BMP2K: variants seen among roughly 807,000 people sequenced by gnomAD.
The protein encoded by BMP2K is BMP-2-inducible protein kinase.
A neutral mutation model predicts 116.0 loss-of-function variants in BMP2K; 74 were observed. That is an observed-to-expected ratio of 0.64 (90% confidence interval 0.53 to 0.77). BMP2K has a LOEUF of 0.77. Ranked by LOEUF, BMP2K falls within the 30% of genes least tolerant of loss-of-function variation. The probability of loss-of-function intolerance (pLI) is 0.00; values close to 1 mark genes in which losing one functional copy is unlikely to be tolerated. For missense variants in BMP2K, 1,365 were observed against 1,403.6 expected (o/e 0.97, Z 0.44); for synonymous variants, 486 against 502.5 (o/e 0.97, Z 0.44).
chr4:78,865,028 A>G (rs1446289060), intron 9 of BMP2K, among the ~76,000 whole-genome samples: 1 of 152,200 alleles, frequency 6.6e-6, no homozygotes, highest in Non-Finnish European at 1.5e-5. Flanking sequence ...GTTCTAAGTA[A>G]AGCAAAGTTA....
chr4:78,827,444 T>G (rs1211156615), intron 2 of BMP2K, among the ~76,000 whole-genome samples: 8 of 152,176 alleles, frequency 5.3e-5, no homozygotes, highest in Admixed American at 5.2e-4. Context: ...TCTGTCTTGC[T>G]GACACTTAGA....
At chr4:78,909,283 G>A (rs781143441) in intron 15 of BMP2K, among the ~76,000 whole-genome samples, 3 of 151,676 alleles carry the variant, frequency 2.0e-5, no homozygotes, top group Admixed American at 6.6e-5. Flanking sequence ...TGATCCACCC[G>A]CCTTGGCCTC....
chr4:78,843,322 T>C (rs1730848625), intron 4 of BMP2K, among the ~76,000 whole-genome samples: 1 of 151,900 alleles, frequency 6.6e-6, no homozygotes, highest in Admixed American at 6.6e-5. Context: ...TATTAGTCCA[T>C]ATTACTTCCT....
chr4:78,855,280 A>G (rs1731450921), intron 7 of BMP2K, among the ~76,000 whole-genome samples: 2 of 152,136 alleles, frequency 1.3e-5, no homozygotes, highest in South Asian at 2.1e-4. Context: ...ATGGTTGGAA[A>G]ATTGGAGTGG....
intron 1 of BMP2K, among the ~76,000 whole-genome samples, chr4:78,790,570 G>A (rs1727949080): frequency 6.6e-6 from 1 of 152,138 alleles, no homozygotes; most frequent in Admixed American, 6.5e-5. Flanking sequence ...CAGCTAAGAA[G>A]ACTCAATATT....
intron 1 of BMP2K, among the ~76,000 whole-genome samples, chr4:78,787,850 T>C (rs2109927314): frequency 6.6e-6 from 1 of 152,302 alleles, no homozygotes; most frequent in East Asian, 1.9e-4. Context: ...TCTTTCAATT[T>C]CTGGAAGAGA....
At chr4:78,889,900 T>C (rs1263231043) in intron 15 of BMP2K, among the ~76,000 whole-genome samples, 1 of 152,222 alleles carries the variant, frequency 6.6e-6, no homozygotes, top group Non-Finnish European at 1.5e-5. Context: ...TTGTAAGAAC[T>C]TAGTTAAGTT....
intron 1 of BMP2K, among the ~76,000 whole-genome samples, chr4:78,788,910 T>C (rs1244927119): frequency 6.6e-6 from 1 of 151,418 alleles, no homozygotes; most frequent in Admixed American, 6.6e-5. Flanking sequence ...TTTTTTTTTT[T>C]TTTTTAAATA....
chr4:78,868,076 T>G (rs929116570), intron 10 of BMP2K, among the ~76,000 whole-genome samples: 2 of 151,962 alleles, frequency 1.3e-5, no homozygotes, highest in African/African-American at 2.4e-5. Flanking sequence ...AGTAAGTAAA[T>G]AAAATAAAAT....
chr4:78,788,895 G>GT (rs369759418), intron 1 of BMP2K, among the ~76,000 whole-genome samples: 6,880 of 107,286 alleles, frequency 0.064, 467 homozygotes, highest in African/African-American at 0.18. Context: ...AATAGTGGCT[G>GT]TTTTTTTTTT....
chr4:78,826,201 T>A, intron 2 of BMP2K, 46 bp downstream of exon 2: 1 of 1,487,520 alleles, frequency 6.7e-7, no homozygotes, highest in South Asian at 1.1e-5. Context: ...CAAGTTTTTA[T>A]TTTTTATTTT....
intron 5 of BMP2K, 111 bp from the exon 6 acceptor site, chr4:78,847,077 T>C (rs1218787183): frequency 6.3e-6 from 3 of 478,690 alleles, no homozygotes; most frequent in Non-Finnish European, 1.0e-5. Flanking sequence ...TATAATGTTA[T>C]TGAACCTAAA....
At chr4:78,849,061 A>C (rs979915778) in intron 6 of BMP2K, among the ~76,000 whole-genome samples, 11 of 151,510 alleles carry the variant, frequency 7.3e-5, no homozygotes, top group Non-Finnish European at 1.5e-4. Flanking sequence ...CATGATATTG[A>C]AGTATTTAGC....
At position 78,863,702 on chromosome 4, in the gene BMP2K, A is replaced by G. The variant is rs902048861; in HGVS notation, c.1068-1855A>G. On this transcript the variant is annotated intron_variant, in intron 9 of 15. Transcript: ENST00000502613. Reference sequence around the variant, plus strand: ...TGAGACTGTACAGCAGTATCGATGCAATAATTACTGTTTTTAACTTCAGTC... The same window carrying G: ...TGAGACTGTACAGCAGTATCGATGCGATAATTACTGTTTTTAACTTCAGTC... Among the ~76,000 whole-genome samples the G allele has an allele frequency of 3.9e-5, 6 of 152,274 alleles. No homozygotes were observed. In the East Asian group the frequency reaches 1.2e-3, roughly 29 times the overall value.
rs1046964244 is a variant in BMP2K at position 78,842,535 on chromosome 4, C to A, written c.546+8C>A. Reference sequence around the variant, plus strand: ...ATTCACCGGGATCTGAAGGTAAGAACTTTAGAATTCCTATGGATTAAGTAA... The same window carrying A: ...ATTCACCGGGATCTGAAGGTAAGAAATTTAGAATTCCTATGGATTAAGTAA... On this transcript the variant is annotated splice_region_variant and intron_variant, in intron 4 of 15. Coordinates refer to ENST00000502613, the MANE Select transcript of BMP2K (RefSeq NM_198892.2). The A allele has an allele frequency of 5.1e-6, 8 of 1,559,808 alleles. No individual in the cohort carries two copies. Among genetic ancestry groups the A allele is most frequent in the South Asian group, 3.5e-5 (3 of 84,510 alleles).
At chr4:78,843,102 A>G (rs968977177) in intron 4 of BMP2K, among the ~76,000 whole-genome samples, 2 of 151,992 alleles carry the variant, frequency 1.3e-5, no homozygotes, top group Non-Finnish European at 2.9e-5. Flanking sequence ...AAGAATATTG[A>G]ATATTCTGGC....
At chr4:78,874,164 G>A (rs1322261685) in intron 13 of BMP2K, among the ~76,000 whole-genome samples, 2 of 149,328 alleles carry the variant, frequency 1.3e-5, no homozygotes, top group African/African-American at 5.1e-5. Flanking sequence ...GCAACAGAGC[G>A]AGACTCCATC....
chr4:78,891,977 TG>T (rs1733463547), intron 15 of BMP2K, among the ~76,000 whole-genome samples: 1 of 152,186 alleles, frequency 6.6e-6, no homozygotes. Flanking sequence ...TAGTTGACCA[TG>T]ATTTCTTTTA....
intron 9 of BMP2K, among the ~76,000 whole-genome samples, chr4:78,865,177 C>A (rs1731982780): frequency 6.6e-6 from 1 of 152,048 alleles, no homozygotes; most frequent in Non-Finnish European, 1.5e-5. Context: ...CTTGTTGTTT[C>A]TTATTTTTAT....
Sources: gnomAD v4.1 joint callset for allele counts (sites outside exome capture counted in the v4.1 genomes callset) on GRCh38, gnomAD v4.1.1 for gene constraint, MANE v1.5 for transcripts, NCBI Gene and HGNC (gene_info 2026-07-23, HGNC 2026-07-21) for gene names.